LRMDA: variants seen among roughly 807,000 people sequenced by gnomAD.
LRMDA encodes leucine-rich melanocyte differentiation-associated protein.
LRMDA carries 18 observed loss-of-function variants against 29.8 expected under a neutral mutation model. That is an observed-to-expected ratio of 0.60 (90% CI 0.42 to 0.90). The LOEUF (loss-of-function observed/expected upper bound fraction) is 0.90, where lower values mean the gene tolerates loss of function less well. Ranked by LOEUF, LRMDA falls within the 40% of genes least tolerant of loss-of-function variation. The pLI is 0.00. For missense variants in LRMDA, 273 were observed against 273.9 expected, an observed-to-expected ratio of 1.00 and a Z score of 0.02; for synonymous variants, 125 against 109.4, an observed-to-expected ratio of 1.14 and a Z score of -0.89.
intron 5 of LRMDA, among the ~76,000 whole-genome samples, chr10:76,298,850 G>A (rs1364380738): frequency 1.3e-5 from 2 of 152,078 alleles, no homozygotes; most frequent in Non-Finnish European, 2.9e-5. Context: ...CATCATGTGG[G>A]TCTAATTGTT....
intron 6 of LRMDA, among the ~76,000 whole-genome samples, chr10:76,377,509 G>A (rs1485180544): frequency 6.6e-6 from 1 of 152,054 alleles, no homozygotes; most frequent in Admixed American, 6.6e-5. Context: ...TTCTTCTAGG[G>A]TTTTAATAGT....
intron 6 of LRMDA, among the ~76,000 whole-genome samples, chr10:76,331,164 G>A (rs1564726322): frequency 6.6e-6 from 1 of 152,150 alleles, no homozygotes; most frequent in Admixed American, 6.5e-5. Flanking sequence ...CTAGCTACTT[G>A]GGAGGCAGAG....
rs142529971 is a variant in LRMDA, at chr10:75,619,644, C to T, written c.131+181150C>T. ...TTTTCTCTGAACGTTTCTTCAGCATCGCAGTCTCTCTCTTCTGAAGATGAT... is the reference window on the plus strand; with the variant it reads ...TTTTCTCTGAACGTTTCTTCAGCATTGCAGTCTCTCTCTTCTGAAGATGAT... On this transcript the variant is annotated intron_variant, in intron 2 of 6. Transcript: ENST00000611255. Among the ~76,000 whole-genome samples, 372 of 152,262 alleles carry T rather than the reference C, an allele frequency of 2.4e-3. 2 individuals carry two copies. The highest frequency in any genetic ancestry group is 3.3e-3 in the Non-Finnish European group (227 of 68,022).
chr10:75,783,869 T>C (rs1167945763), intron 2 of LRMDA, among the ~76,000 whole-genome samples: 1 of 152,242 alleles, frequency 6.6e-6, no homozygotes, highest in Non-Finnish European at 1.5e-5. Context: ...ATTAAGGATA[T>C]GCCCTCATGG....
intron 2 of LRMDA, among the ~76,000 whole-genome samples, chr10:75,691,240 GTGTA>G (rs912783050): frequency 4.2e-4 from 58 of 138,664 alleles, no homozygotes; most frequent in African/African-American, 1.5e-3. Flanking sequence ...GTGTGTGTGT[GTGTA>G]TGTATGTATG....
chr10:76,132,773 G>C (rs1362250061), intron 5 of LRMDA, among the ~76,000 whole-genome samples: 1 of 151,992 alleles, frequency 6.6e-6, no homozygotes, highest in Non-Finnish European at 1.5e-5. Context: ...TCATCATTCT[G>C]ATTCTCAGAT....
At chr10:75,897,817 CTTTT>C (rs3042518) in intron 2 of LRMDA, among the ~76,000 whole-genome samples, 4 of 78,420 alleles carry the variant, frequency 5.1e-5, no homozygotes, top group African/African-American at 2.1e-4. Context: ...TTCTTCCTGC[CTTTT>C]TTTTTTTTTT....
At chr10:76,297,629 C>T (rs1327209639) in intron 5 of LRMDA, among the ~76,000 whole-genome samples, 2 of 152,134 alleles carry the variant, frequency 1.3e-5, no homozygotes, top group African/African-American at 2.4e-5. Flanking sequence ...GTCTGGGGGC[C>T]TGTCGTTTCT....
chr10:76,189,904 A>G (rs958262823), intron 5 of LRMDA, among the ~76,000 whole-genome samples: 2 of 152,172 alleles, frequency 1.3e-5, no homozygotes, highest in African/African-American at 2.4e-5. Flanking sequence ...CCCTGCACAC[A>G]GTGCATCAAA....
intron 6 of LRMDA, among the ~76,000 whole-genome samples, chr10:76,391,997 C>G (rs1255597386): frequency 1.3e-5 from 2 of 152,100 alleles, no homozygotes; most frequent in Non-Finnish European, 2.9e-5. Context: ...GGCTACCAAA[C>G]TTTAGTCTTA....
intron 6 of LRMDA, among the ~76,000 whole-genome samples, chr10:76,327,005 A>G (rs1251878484): frequency 1.3e-5 from 2 of 151,538 alleles, no homozygotes; most frequent in Admixed American, 1.3e-4. Flanking sequence ...TTCATATTCT[A>G]CTTTGTATGA....
intron 2 of LRMDA, among the ~76,000 whole-genome samples, chr10:75,760,436 G>A (rs1336667932): frequency 6.6e-6 from 1 of 152,130 alleles, no homozygotes; most frequent in East Asian, 1.9e-4. Context: ...AGACCACTAT[G>A]GATTTTGGTC....
intron 2 of LRMDA, among the ~76,000 whole-genome samples, chr10:75,783,369 A>G (rs1428164757): frequency 1.3e-5 from 2 of 151,892 alleles, no homozygotes; most frequent in Non-Finnish European, 2.9e-5. Context: ...TAAATTCGGA[A>G]GTTGAGTGTG....
At chr10:76,179,635 A>G (rs1851007595) in intron 5 of LRMDA, among the ~76,000 whole-genome samples, 1 of 152,184 alleles carries the variant, frequency 6.6e-6, no homozygotes, top group Non-Finnish European at 1.5e-5. Context: ...ACTGCAGCAT[A>G]GGGAGATTTA....
chr10:76,230,174 C>T (rs768401078), intron 5 of LRMDA, among the ~76,000 whole-genome samples: 1 of 151,944 alleles, frequency 6.6e-6, no homozygotes, highest in African/African-American at 2.4e-5. Context: ...CAAGCAACAC[C>T]AAGCAGAAAG....
intron 6 of LRMDA, among the ~76,000 whole-genome samples, chr10:76,526,264 C>T (rs1298221266): frequency 6.6e-6 from 1 of 152,152 alleles, no homozygotes; most frequent in Non-Finnish European, 1.5e-5. Context: ...TGGAGGTAGG[C>T]AGCCCAGGAC....
At chr10:76,085,552 G>A (rs775192314) in intron 5 of LRMDA, among the ~76,000 whole-genome samples, 1 of 152,070 alleles carries the variant, frequency 6.6e-6, no homozygotes, top group Non-Finnish European at 1.5e-5. Flanking sequence ...GGGAGGGGTC[G>A]CTTTACTTTC....
chr10:75,818,638 A>G (rs76292128), intron 2 of LRMDA, among the ~76,000 whole-genome samples: 1 of 152,282 alleles, frequency 6.6e-6, no homozygotes, highest in East Asian at 1.9e-4. Context: ...GCTTTTCAAT[A>G]TTTGCAGAGA....
At chr10:76,046,848 C>T (rs537349979) in intron 3 of LRMDA, among the ~76,000 whole-genome samples, 35 of 152,292 alleles carry the variant, frequency 2.3e-4, no homozygotes, top group African/African-American at 7.9e-4. Flanking sequence ...ATATTTTACT[C>T]TATGGAATCT....
Sources: allele counts gnomAD v4.1 joint callset (sites outside exome capture counted in the v4.1 genomes callset), GRCh38; gene constraint gnomAD v4.1.1; transcripts MANE v1.5; gene names NCBI Gene and HGNC (gene_info 2026-07-23, HGNC 2026-07-21).